The following ROBO1 variants were observed in gnomAD, a reference collection of about 807,000 sequenced individuals.
The protein encoded by ROBO1 is roundabout homolog 1.
ROBO1 carries 149 observed loss-of-function variants against 195.9 expected under a neutral mutation model. The observed-to-expected ratio is 0.76, with a 90% CI of 0.67 to 0.87. ROBO1 has a LOEUF of 0.87. ROBO1 is among the 40% of genes least tolerant of loss of function. The probability of loss-of-function intolerance (pLI) is 0.00; values close to 1 mark genes in which losing one functional copy is unlikely to be tolerated. For synonymous variants in ROBO1, 816 were observed against 733.2 expected, an observed-to-expected ratio of 1.11 and a Z score of -1.82; for missense variants, 1,933 against 2,068.3, an observed-to-expected ratio of 0.93 and a Z score of 1.27.
intron 3 of ROBO1, among the ~76,000 whole-genome samples, chr3:78,943,107 T>G (rs2040228116): frequency 6.6e-6 from 1 of 151,694 alleles, no homozygotes; most frequent in African/African-American, 2.4e-5. Context: ...TCCCAGCTAC[T>G]CGAGAGGCTG....
intron 2 of ROBO1, among the ~76,000 whole-genome samples, chr3:79,572,345 A>C (rs1462710242): frequency 6.6e-6 from 1 of 152,072 alleles, no homozygotes; most frequent in East Asian, 1.9e-4. Context: ...GAAACACTTC[A>C]ATCTGATGCA....
At chr3:79,759,851 C>T (rs1007864595) in intron 1 of ROBO1, among the ~76,000 whole-genome samples, 1 of 152,052 alleles carries the variant, frequency 6.6e-6, no homozygotes, top group African/African-American at 2.4e-5. Context: ...GCTAGCCCAC[C>T]CACATATGGA....
chr3:78,879,689 G>C (rs565630632), intron 4 of ROBO1, among the ~76,000 whole-genome samples: 7 of 151,954 alleles, frequency 4.6e-5, no homozygotes, highest in Non-Finnish European at 1.0e-4. Context: ...CATCCCTCTG[G>C]ATTCCGCATT....
chr3:79,751,961 G>A, intron 1 of ROBO1, among the ~76,000 whole-genome samples: 1 of 152,228 alleles, frequency 6.6e-6, no homozygotes, highest in East Asian at 1.9e-4. Context: ...ACAAAGTTAA[G>A]AATGTAATTA....
intron 2 of ROBO1, among the ~76,000 whole-genome samples, chr3:79,335,258 A>T (rs1452960069): frequency 6.6e-6 from 1 of 152,234 alleles, no homozygotes; most frequent in Non-Finnish European, 1.5e-5. Flanking sequence ...GTATTTATAT[A>T]GCGTATCAGA....
At chr3:78,958,775 A>T (rs1039635419) in intron 3 of ROBO1, among the ~76,000 whole-genome samples, 35 of 151,316 alleles carry the variant, frequency 2.3e-4, no homozygotes, top group Non-Finnish European at 5.2e-4. Flanking sequence ...AGTTACCTCA[A>T]TCAGTCCCAG....
At chr3:78,804,804 C>T (rs2084484250) in intron 4 of ROBO1, among the ~76,000 whole-genome samples, 1 of 150,390 alleles carries the variant, frequency 6.6e-6, no homozygotes, top group East Asian at 2.0e-4. Flanking sequence ...AACAACTTTT[C>T]CTCTGGACAA....
At chr3:79,083,682 T>G (rs6793514) in intron 3 of ROBO1, among the ~76,000 whole-genome samples, 147,771 of 152,278 alleles carry the variant, frequency 0.97, 71,849 homozygotes, top group East Asian at 1. Flanking sequence ...TCTTCTACGT[T>G]GGCCAATCAA....
chr3:79,011,493 A>G (rs549019573), intron 3 of ROBO1, among the ~76,000 whole-genome samples: 1 of 152,214 alleles, frequency 6.6e-6, no homozygotes, highest in African/African-American at 2.4e-5. Context: ...GACCTGATTC[A>G]TTCATTCTTT....
chr3:79,492,428 A>G (rs998243039), intron 2 of ROBO1, among the ~76,000 whole-genome samples: 12 of 64,564 alleles, frequency 1.9e-4, no homozygotes, highest in Admixed American at 1.5e-3. Flanking sequence ...TCTGTTTCAG[A>G]AAAAAAAAAA....
intron 1 of ROBO1, among the ~76,000 whole-genome samples, chr3:79,619,884 C>T (rs1402968253): frequency 6.6e-6 from 1 of 152,124 alleles, no homozygotes; most frequent in Admixed American, 6.5e-5. Flanking sequence ...CCCTCAAACC[C>T]CACAACAGGA....
At chr3:78,656,912 CTT>C (rs1457542009) in intron 18 of ROBO1, among the ~76,000 whole-genome samples, 184 bp downstream of exon 18, 47 of 152,006 alleles carry the variant, frequency 3.1e-4, no homozygotes, top group Non-Finnish European at 2.2e-4. Context: ...CTCTCTCTCT[CTT>C]TCTCTCTCTC....
intron 26 of ROBO1, among the ~76,000 whole-genome samples, chr3:78,618,619 C>G (rs1023089089): frequency 2.6e-5 from 4 of 152,022 alleles, no homozygotes; most frequent in African/African-American, 9.7e-5. Context: ...TAAAAAAAAG[C>G]TATGGAAGCC....
At chr3:79,080,353 T>C (rs2079250009) in intron 3 of ROBO1, among the ~76,000 whole-genome samples, 1 of 151,920 alleles carries the variant, frequency 6.6e-6, no homozygotes, top group East Asian at 1.9e-4. Context: ...AAATATGTGT[T>C]TCTAGCCACT....
rs990709395 is a variant in ROBO1, at chr3:79,176,511, G to A, written c.89-50972C>T. On this transcript the variant is annotated intron_variant, in intron 2 of 30. Coordinates refer to ENST00000464233, the MANE Select transcript of ROBO1 (RefSeq NM_002941.4). ...CTCTCTCTGTCACCCAGGCTGGGGT[G>A]CAGTGGCATGATCTCAGCTCACTGC... is the stretch of plus-strand genomic sequence containing the variant. Among the ~76,000 whole-genome samples the A allele has an allele frequency of 3.3e-5, 5 of 152,294 alleles. 1 individual carries two copies. Among genetic ancestry groups the A allele is most frequent in the Middle Eastern group, 6.8e-3 (2 of 294 alleles).
chr3:78,809,197 T>G (rs529610943), intron 4 of ROBO1, among the ~76,000 whole-genome samples: 1 of 151,346 alleles, frequency 6.6e-6, no homozygotes, highest in African/African-American at 2.4e-5. Flanking sequence ...AAACAGACAC[T>G]TTTCAAAAGA....
At chr3:79,504,900 G>A (rs1264137916) in intron 2 of ROBO1, among the ~76,000 whole-genome samples, 1 of 152,020 alleles carries the variant, frequency 6.6e-6, no homozygotes, top group Non-Finnish European at 1.5e-5. Flanking sequence ...GAGATACTTA[G>A]TAGAGCATCT....
intron 2 of ROBO1, among the ~76,000 whole-genome samples, chr3:79,291,265 T>C (rs1300190264): frequency 6.6e-6 from 1 of 152,166 alleles, no homozygotes; most frequent in East Asian, 1.9e-4. Context: ...ATAGAAACTT[T>C]CATCATGTTG....
At chr3:78,746,704 G>A (rs1445359137) in intron 5 of ROBO1, 39 bp downstream of exon 5, 1 of 1,388,220 alleles carries the variant, frequency 7.2e-7, no homozygotes, top group Non-Finnish European at 9.5e-7. Context: ...CACACAGTTA[G>A]ACCAACAAAT....
Sources: allele counts gnomAD v4.1 joint callset (sites outside exome capture counted in the v4.1 genomes callset), GRCh38; gene constraint gnomAD v4.1.1; transcripts MANE v1.5; gene names NCBI Gene and HGNC (gene_info 2026-07-23, HGNC 2026-07-21).